SGK3: variants seen among roughly 807,000 people sequenced by gnomAD.
SGK3 encodes the protein serine/threonine-protein kinase Sgk3.
A neutral mutation model predicts 68.5 loss-of-function variants in SGK3; 47 were observed. The ratio of observed to expected loss-of-function variants is 0.69; its 90% confidence interval spans 0.54 to 0.87. The LOEUF is 0.87. Ranked by LOEUF, SGK3 falls within the 40% of genes least tolerant of loss-of-function variation. The pLI is 0.00. For synonymous variants in SGK3, 181 were observed against 189.1 expected (o/e 0.96, Z 0.35); for missense variants, 479 against 575.5 (o/e 0.83, Z 1.72).
chr8:66,841,964 C>T (rs1428457001), intron 13 of SGK3, among the ~76,000 whole-genome samples: 2 of 152,094 alleles, frequency 1.3e-5, no homozygotes, highest in Non-Finnish European at 2.9e-5. Flanking sequence ...TCATCTTTAT[C>T]GTGGAGTACT....
rs763465158 is a variant in SGK3 at position 66,859,396 on chromosome 8, C to T, written c.1321-15C>T. ...AAAAGCTAAGGTGAATAATACTGTG[C>T]TTTTGATGTTTTAGGCTGGACCAGA... On this transcript the variant is annotated splice_polypyrimidine_tract_variant and intron_variant, in intron 16 of 16. Coordinates refer to ENST00000521198, the MANE Select transcript of SGK3 (RefSeq NM_001033578.3). 8 of 1,583,922 alleles carry T rather than the reference C, an allele frequency of 5.1e-6. No individual in the cohort carries two copies. The highest frequency in any genetic ancestry group is 6.9e-6 in the Non-Finnish European group (8 of 1,160,958).
At chr8:66,784,050 A>G (rs1407171886) in intron 1 of SGK3, among the ~76,000 whole-genome samples, 3 of 152,006 alleles carry the variant, frequency 2.0e-5, no homozygotes, top group Non-Finnish European at 4.4e-5. Context: ...GGTACGTGCC[A>G]CCATGCCCGG....
intron 1 of SGK3, among the ~76,000 whole-genome samples, chr8:66,734,249 T>A (rs1217807319): frequency 7.9e-5 from 11 of 138,592 alleles, no homozygotes; most frequent in African/African-American, 2.7e-4. Context: ...TTTTTTTTTT[T>A]ACCATTTTGA....
intron 1 of SGK3, among the ~76,000 whole-genome samples, chr8:66,769,343 A>T (rs1411219248): frequency 6.6e-6 from 1 of 151,694 alleles, no homozygotes; most frequent in Non-Finnish European, 1.5e-5. Context: ...CATGCCTCAG[A>T]CTCCCAAGTA....
chr8:66,823,498 A>G (rs1046085032), intron 6 of SGK3, among the ~76,000 whole-genome samples: 1 of 151,846 alleles, frequency 6.6e-6, no homozygotes, highest in Admixed American at 6.6e-5. Flanking sequence ...CCCAGGTTCA[A>G]GTGATTCTCC....
At chr8:66,733,051 T>C (rs1255052462) in intron 1 of SGK3, among the ~76,000 whole-genome samples, 3 of 152,148 alleles carry the variant, frequency 2.0e-5, no homozygotes, top group Non-Finnish European at 4.4e-5. Flanking sequence ...TTCTACGAAG[T>C]GTGCATGGTA....
intron 1 of SGK3, chr8:66,778,188 T>C (rs1169417586): frequency 1.3e-5 from 2 of 152,272 alleles, no homozygotes; most frequent in East Asian, 3.8e-4. Context: ...CTTCGGGCAT[T>C]GGTCTTTTCT....
chr8:66,847,873 T>A (rs1810098827), intron 15 of SGK3, among the ~76,000 whole-genome samples: 1 of 151,548 alleles, frequency 6.6e-6, no homozygotes, highest in Non-Finnish European at 1.5e-5. Context: ...ACTTTTTTTT[T>A]TTTTTTTTTT....
chr8:66,843,505 G>A lies in SGK3; in HGVS notation c.1032G>A (p.Trp344Ter). 1 of 1,613,928 alleles carries A rather than the reference G, an allele frequency of 6.2e-7. No homozygotes were observed. Among genetic ancestry groups the A allele is most frequent in the African/African-American group, 1.3e-5 (1 of 75,038 alleles). The stretch of plus-strand genomic sequence containing the variant: ...AGCCCTATGACAATACTGTAGATTG[G>A]TGGTGCCTTGGGGCTGTTCTGTATG... ...RKQPYDNTVD[W>*]WCLGAVLYEM... Residue 344 changes from tryptophan to a stop codon, truncating the protein, a stop_gained, in exon 14 of 17, where the codon TGG becomes TGA. Transcript: ENST00000521198. LOFTEE classifies it high-confidence loss of function.
intron 6 of SGK3, among the ~76,000 whole-genome samples, chr8:66,826,762 G>A (rs556427798): frequency 1.3e-4 from 19 of 151,772 alleles, no homozygotes; most frequent in South Asian, 4.2e-4. Flanking sequence ...TTCCTGCCTC[G>A]GCCTTTCGAG....
At chr8:66,742,991 T>C (rs1805527157) in intron 1 of SGK3, among the ~76,000 whole-genome samples, 1 of 152,220 alleles carries the variant, frequency 6.6e-6, no homozygotes, top group South Asian at 2.1e-4. Context: ...TAACAGCCTT[T>C]TTCCCATTCA....
At chr8:66,837,747 G>A (rs1298925047) in intron 10 of SGK3, among the ~76,000 whole-genome samples, 2 of 152,064 alleles carry the variant, frequency 1.3e-5, no homozygotes, top group Admixed American at 1.3e-4. Context: ...TCACACAACT[G>A]TACTCCAGCC....
rs747798634 is a variant in SGK3 at position 66,722,263 on chromosome 8, ATGTTTT to A, written c.-122+9444_-122+9449del. On this transcript the variant is annotated intron_variant, in intron 1 of 16. Coordinates refer to ENST00000521198, the MANE Select transcript of SGK3 (RefSeq NM_001033578.3). ...CATTATTGGAAAAGCTTTTGTAAGG[ATGTTTT>A]TGTTTTTGTTTTTCTTGTTTTTTGT... Among the ~76,000 whole-genome samples, 71 of 151,830 alleles carry A rather than the reference ATGTTTT, an allele frequency of 4.7e-4. 1 individual carries two copies. The highest frequency in any genetic ancestry group is 7.2e-4 in the Admixed American group (11 of 15,222).
At chr8:66,781,254 G>A (rs1015174546) in intron 1 of SGK3, among the ~76,000 whole-genome samples, 4 of 152,212 alleles carry the variant, frequency 2.6e-5, no homozygotes, top group African/African-American at 9.6e-5. Context: ...TGCTGCCACT[G>A]CTACCATCTC....
intron 1 of SGK3, among the ~76,000 whole-genome samples, chr8:66,781,516 T>C (rs1806980521): frequency 6.6e-6 from 1 of 152,170 alleles, no homozygotes; most frequent in South Asian, 2.1e-4. Context: ...GCCTGGTTTA[T>C]TTTAGCAGTT....
rs778799926 is a variant in SGK3 at position 66,793,848 on chromosome 8, A to G, written c.96+16A>G. On this transcript the variant is annotated intron_variant, in intron 2 of 16. Coordinates refer to ENST00000521198, the MANE Select transcript of SGK3 (RefSeq NM_001033578.3). The stretch of plus-strand genomic sequence containing the variant: ...GAGGTTTACTGTAAGTATTTAACAT[A>G]AAGCATGTGGGAAAAAAGTTGAATG... The G allele has an allele frequency of 1.9e-6, 3 of 1,607,690 alleles. No individual in the cohort carries two copies. Among genetic ancestry groups the G allele is most frequent in the Non-Finnish European group, 2.5e-6 (3 of 1,176,580 alleles).
At chr8:66,766,041 G>T (rs1394197087) in intron 1 of SGK3, among the ~76,000 whole-genome samples, 2 of 151,016 alleles carry the variant, frequency 1.3e-5, no homozygotes, top group South Asian at 2.1e-4. Context: ...AAAAAAAATT[G>T]GATTTTTCCA....
rs113940082 is a variant in SGK3, at chr8:66,859,404, G to C, written c.1321-7G>C. The stretch of plus-strand genomic sequence containing the variant: ...AGGTGAATAATACTGTGCTTTTGAT[G>C]TTTTAGGCTGGACCAGATGATATCA... On this transcript the variant is annotated splice_region_variant and splice_polypyrimidine_tract_variant and intron_variant, in intron 16 of 16. Coordinates refer to ENST00000521198, the MANE Select transcript of SGK3 (RefSeq NM_001033578.3). 543 of 1,596,262 alleles carry C rather than the reference G, an allele frequency of 3.4e-4. 1 individual carries two copies. In the African/African-American group the frequency reaches 6.4e-3, roughly 19 times the overall value.
At chr8:66,810,569 C>T (rs1412656777) in intron 4 of SGK3, among the ~76,000 whole-genome samples, 5 of 152,120 alleles carry the variant, frequency 3.3e-5, no homozygotes, top group Non-Finnish European at 5.9e-5. Flanking sequence ...GGCGTGGTGG[C>T]ATACACCTGT....
Sources: allele counts gnomAD v4.1 joint callset (sites outside exome capture counted in the v4.1 genomes callset), GRCh38; gene constraint gnomAD v4.1.1; transcripts MANE v1.5; gene names NCBI Gene and HGNC (gene_info 2026-07-23, HGNC 2026-07-21).